CTBS: variants seen among roughly 807,000 people sequenced by gnomAD.
The protein encoded by CTBS is chitobiase.
Under a neutral mutation model 44.3 loss-of-function variants are expected in CTBS, and 35 were observed. The ratio of observed to expected loss-of-function variants is 0.79; its 90% CI spans 0.60 to 1.05. The LOEUF (loss-of-function observed/expected upper bound fraction) is 1.05, where lower values mean the gene tolerates loss of function less well. CTBS is among the 50% of genes least tolerant of loss of function. CTBS has a pLI of 0.00. For missense variants in CTBS, 458 were observed against 475.3 expected, an observed-to-expected ratio of 0.96 and a Z score of 0.34; for synonymous variants, 143 against 168.0, an observed-to-expected ratio of 0.85 and a Z score of 1.15.
Position 84,570,698 on chromosome 1 carries a change from T to C in CTBS, c.200A>G (p.Gln67Arg), listed in dbSNP as rs1647276354. Residue 67 changes from glutamine to arginine, a missense_variant, in exon 2 of 7, where the codon CAG becomes CGG. By Grantham distance (43) the Gln-to-Arg change is conservative. Coordinates refer to ENST00000370630, the MANE Select transcript of CTBS (RefSeq NM_004388.3). The part of the protein sequence containing the change: ...DFEVFVFDVG[Q>R]KTWKSYDWSQ... ...CCAATCATAAGATTTCCAAGTTTTC[T>C]GTCCAACATCAAACACAAAGACCTG... The C allele has an allele frequency of 1.2e-6, 2 of 1,613,736 alleles. No individual in the cohort carries two copies. The highest frequency in any genetic ancestry group is 1.7e-6 in the Non-Finnish European group (2 of 1,179,880).
At chr1:84,566,549 G>C (rs1411223278) in intron 3 of CTBS, among the ~76,000 whole-genome samples, 4 of 152,042 alleles carry the variant, frequency 2.6e-5, no homozygotes, top group Admixed American at 2.6e-4. Context: ...ACGGCCTACA[G>C]GTATAGATTA....
rs1448818402 is a variant in CTBS at position 84,570,030 on chromosome 1, T to C, written c.426A>G (p.Ile142Met). 6 of 1,613,508 alleles carry C rather than the reference T, an allele frequency of 3.7e-6. No homozygotes were observed. The highest frequency in any genetic ancestry group is 5.1e-6 in the Non-Finnish European group (6 of 1,179,706). ...TQYMDGINID[I>M]EQEVNCLSPE... ...GTGATAAACAATTAACTTCTTGCTC[T>C]ATATCTATATTAATTCCATCCATAT... The change falls in exon 3 of 7, where the codon ATA (isoleucine) becomes ATG (methionine). Residue 142 changes from isoleucine to methionine, a missense_variant. Ile to Met is a conservative substitution (Grantham distance 10). Transcript: ENST00000370630.
chr1:84,573,856 G>A, intron 1 of CTBS: 1 of 1,083,628 alleles, frequency 9.2e-7, no homozygotes. Flanking sequence ...TACTGTTGGA[G>A]TGCTGAGATT....
intron 3 of CTBS, 45 bp downstream of exon 3, chr1:84,569,886 T>C (rs753580679): frequency 6.8e-7 from 1 of 1,460,278 alleles, no homozygotes; most frequent in East Asian, 2.3e-5. Context: ...GAGTATATTC[T>C]GATATGGAAA....
At chr1:84,574,011 C>G in intron 1 of CTBS, 1 of 1,394,704 alleles carries the variant, frequency 7.2e-7, no homozygotes, top group Non-Finnish European at 9.3e-7. Context: ...TGAACTCTCG[C>G]CTGCCTACGC....
chr1:84,553,086 C>CA lies in CTBS; in HGVS notation c.*1912dup. The CA allele has an allele frequency of 6.6e-7, 1 of 1,510,380 alleles. No homozygotes were observed. The highest frequency in any genetic ancestry group is 8.8e-7 in the Non-Finnish European group (1 of 1,130,994). The allele number at this position is 1,510,380 out of a possible 1,614,324, so 93.6% of individuals were successfully genotyped here. On this transcript the variant is annotated 3_prime_UTR_variant, in exon 7 of 7. Coordinates refer to ENST00000370630, the MANE Select transcript of CTBS (RefSeq NM_004388.3). ...ACGAACATTGAAAACTGAACTGGCA[C>CA]AGAAAAAAAAAATAATACATCTCTA...
chr1:84,557,699 T>C (rs1684486828), intron 6 of CTBS, among the ~76,000 whole-genome samples: 2 of 150,016 alleles, frequency 1.3e-5, no homozygotes, highest in Admixed American at 1.3e-4. Context: ...ATTAAAAAAA[T>C]ACAAAAAAAT....
Position 84,553,204 on chromosome 1 carries a change from G to T in CTBS, c.*1795C>A. 2 of 782,750 alleles carry T rather than the reference G, an allele frequency of 2.6e-6. No homozygotes were observed. The highest frequency in any genetic ancestry group is 2.0e-6 in the Non-Finnish European group (1 of 510,928). The allele number at this position is 782,750 out of a possible 1,614,324, so 48.5% of individuals were successfully genotyped here. A position where few individuals can be genotyped will look rare whatever the true frequency, so the allele number is the denominator to read the frequency against. On this transcript the variant is annotated 3_prime_UTR_variant, in exon 7 of 7. Transcript: ENST00000370630. ...GATTTGTTTAACCATTATTCTCCTT[G>T]GCAATGTTTTATAAAAAGCACAAGG...
In CTBS at chr1:84,565,452, C is replaced by T. The variant is rs936280237; in HGVS notation, c.697+389G>A. On this transcript the variant is annotated intron_variant, in intron 4 of 6. Transcript: ENST00000370630. ...CATATCTATCTTTGCTATTATTTAACACTGGTTATTTCAACAAAAATATCC... is the reference window on the plus strand; with the variant it reads ...CATATCTATCTTTGCTATTATTTAATACTGGTTATTTCAACAAAAATATCC... 6.6e-5 allele frequency among the ~76,000 whole-genome samples: 10 copies of T among 152,274 alleles called. No homozygotes were observed. The East Asian group carries it at 1.7e-3, about 26-fold the overall frequency.
chr1:84,558,149 TTTAAG>T (rs1434569358), intron 6 of CTBS, among the ~76,000 whole-genome samples: 14 of 152,148 alleles, frequency 9.2e-5, no homozygotes, highest in Non-Finnish European at 1.9e-4. Flanking sequence ...GAGAATGGAT[TTTAAG>T]TGTTCTTACC....
At chr1:84,568,726 T>G (rs1016216440) in intron 3 of CTBS, among the ~76,000 whole-genome samples, 5 of 152,136 alleles carry the variant, frequency 3.3e-5, no homozygotes, top group Admixed American at 1.3e-4. Context: ...GGGGCAGATT[T>G]CCCCCTCCAG....
chr1:84,556,147 C>T (rs1684423029), intron 6 of CTBS, among the ~76,000 whole-genome samples: 2 of 152,038 alleles, frequency 1.3e-5, no homozygotes, highest in South Asian at 4.1e-4. Context: ...TCCTTCTGCC[C>T]AGAATCAACT....
At position 84,574,440 on chromosome 1, in the gene CTBS, T is replaced by C. The variant is rs539036514; in HGVS notation, c.-25A>G. On this transcript the variant is annotated 5_prime_UTR_variant, in exon 1 of 7. Coordinates refer to ENST00000370630, the MANE Select transcript of CTBS (RefSeq NM_004388.3). ...TAGCAGCAGGTCTAGCGGGCCGGAG[T>C]GGGTTCCTACCGCCTGGGTGGGCGG... 7 of 1,472,954 alleles carry C rather than the reference T, an allele frequency of 4.8e-6. No individual in the cohort carries two copies. Among genetic ancestry groups the C allele is most frequent in the Admixed American group, 4.9e-5 (2 of 40,724 alleles). The allele number at this position is 1,472,954 out of a possible 1,614,324, so 91.2% of individuals were successfully genotyped here.
At chr1:84,565,713 A>G (rs867044779) in intron 4 of CTBS, 128 bp downstream of exon 4, 7 of 430,076 alleles carry the variant, frequency 1.6e-5, no homozygotes, top group Middle Eastern at 8.0e-4. Flanking sequence ...TGATTTTTAC[A>G]TGTTTGAAGC....
In CTBS at chr1:84,570,637, A is replaced by T. The variant is rs780548900; in HGVS notation, c.261T>A (p.Tyr87Ter). ...GAGCGTAGCACATAAGTTCTGAGTC[A>T]TATTTTCCAAATGTTGCCACAGTTG... Reference protein sequence around the residue: ...QITTVATFGKYDSELMCYAHS... With the variant: ...QITTVATFGK The change falls in exon 2 of 7, where the codon TAT becomes TAA. Residue 87 changes from tyrosine (Y) to a stop codon, truncating the protein, a stop_gained. Coordinates refer to ENST00000370630, the MANE Select transcript of CTBS (RefSeq NM_004388.3). LOFTEE classifies it high-confidence loss of function. The T allele has an allele frequency of 6.2e-7, 1 of 1,614,080 alleles. No individual in the cohort carries two copies. Among genetic ancestry groups the T allele is most frequent in the Non-Finnish European group, 8.5e-7 (1 of 1,179,912 alleles).
In CTBS at chr1:84,550,275, G is replaced by A. The variant is rs891756800; in HGVS notation, c.*4724C>T. 2 of 395,876 alleles carry A rather than the reference G, an allele frequency of 5.1e-6. No homozygotes were observed. Among genetic ancestry groups the A allele is most frequent in the Admixed American group, 9.1e-5 (2 of 21,956 alleles). The allele number at this position is 395,876 out of a possible 1,614,324, so 24.5% of individuals were successfully genotyped here. A position where few individuals can be genotyped will look rare whatever the true frequency, so the allele number is the denominator to read the frequency against. Reference sequence around the variant, plus strand: ...TGCAAGAAATCAACAGAAACAAATAGTAATTTCTCCAAAGCAATTTAGTTT... The same window carrying A: ...TGCAAGAAATCAACAGAAACAAATAATAATTTCTCCAAAGCAATTTAGTTT... On this transcript the variant is annotated 3_prime_UTR_variant, in exon 7 of 7. Coordinates refer to ENST00000370630, the MANE Select transcript of CTBS (RefSeq NM_004388.3).
rs539220157 is a variant in CTBS at position 84,550,953 on chromosome 1, T to G, written c.*4046A>C. 1.7e-4 allele frequency: 164 copies of G among 981,554 alleles called. No individual in the cohort carries two copies. The highest frequency in any genetic ancestry group is 1.8e-4 in the Non-Finnish European group (150 of 826,436). The allele number at this position is 981,554 out of a possible 1,614,324, so 60.8% of individuals were successfully genotyped here. On this transcript the variant is annotated 3_prime_UTR_variant, in exon 7 of 7. Coordinates refer to ENST00000370630, the MANE Select transcript of CTBS (RefSeq NM_004388.3). The stretch of plus-strand genomic sequence containing the variant: ...TCATATGTATTCTATTATTTAAATA[T>G]GAATAATGTGTCTTCTACTAGATGT...
At chr1:84,570,173 T>C (rs12077315) in intron 2 of CTBS, 34 bp from the exon 3 acceptor site, 2 of 1,549,808 alleles carry the variant, frequency 1.3e-6, no homozygotes, top group Non-Finnish European at 1.8e-6. Context: ...TGAACATGTA[T>C]GCAAAAACAT....
intron 6 of CTBS, among the ~76,000 whole-genome samples, chr1:84,562,130 C>T (rs1335074361): frequency 6.6e-6 from 1 of 152,158 alleles, no homozygotes; most frequent in Non-Finnish European, 1.5e-5. Flanking sequence ...TTATGTATTA[C>T]AGCACTTCTC....
Sources: allele counts gnomAD v4.1 joint callset (sites outside exome capture counted in the v4.1 genomes callset), GRCh38; gene constraint gnomAD v4.1.1; transcripts MANE v1.5; gene names NCBI Gene and HGNC (gene_info 2026-07-23, HGNC 2026-07-21).